FOXO4: variants seen among roughly 807,000 people sequenced by gnomAD.
The protein encoded by FOXO4 is forkhead box O4, also known as forkhead box protein O4.
In FOXO4, 3 loss-of-function variants were observed where a neutral mutation model predicts 20.8. The ratio of observed to expected loss-of-function variants is 0.14; its 90% confidence interval spans 0.07 to 0.37. The LOEUF is 0.37. Among genes scored for constraint, FOXO4 ranks in the 10% least tolerant of loss-of-function variants. The pLI, the probability that FOXO4 is intolerant of heterozygous loss-of-function variation, is 1.00. For synonymous variants in FOXO4, 158 were observed against 180.0 expected, an observed-to-expected ratio of 0.88 and a Z score of 0.98; for missense variants, 309 against 431.9, an observed-to-expected ratio of 0.72 and a Z score of 2.52.
Position 71,095,961 on chromosome X carries a change from G to A in FOXO4, c.-568G>A. On this transcript the variant is annotated 5_prime_UTR_variant, in exon 1 of 3. Transcript: ENST00000374259. ...CGGGGGGTGGGGGGGGTTGATAGGG[G>A]AATCGGTGCGGGAATAAGGGAGGCC... 1.1e-5 allele frequency among the ~76,000 whole-genome samples: 1 copy of A among 92,439 alleles called. No individual in the cohort carries two copies. The highest frequency in any genetic ancestry group is 4.0e-5 in the African/African-American group (1 of 25,254). 80.3% of individuals were successfully genotyped at this position (92,439 alleles called of 115,157 possible). A position where few individuals can be genotyped will look rare whatever the true frequency, so the allele number is the denominator to read the frequency against.
In FOXO4 at chrX:71,102,948, TG is replaced by T. The variant is rs1332812304; in HGVS notation, c.*867del. ...TCCCCTCATTCCTTCAACTTGTGCCTGGGAGTGTGTGGTGTTAGGGTGCAGC... is the reference window on the plus strand; with the variant it reads ...TCCCCTCATTCCTTCAACTTGTGCCTGGAGTGTGTGGTGTTAGGGTGCAGC... On this transcript the variant is annotated 3_prime_UTR_variant, in exon 3 of 3. Transcript: ENST00000374259. 1.2e-5 allele frequency: 2 copies of T among 172,515 alleles called. No homozygotes were observed. Among genetic ancestry groups the T allele is most frequent in the African/African-American group, 6.0e-5 (2 of 33,491 alleles). The allele number at this position is 172,515 out of a possible 1,213,427, so 14.2% of individuals were successfully genotyped here.
In FOXO4 at chrX:71,096,799, C is replaced by T; in HGVS notation, c.271C>T (p.Pro91Ser). 6 of 1,202,040 alleles carry T rather than the reference C, an allele frequency of 5.0e-6. No individual in the cohort carries two copies. Among genetic ancestry groups the T allele is most frequent in the Non-Finnish European group, 6.7e-6 (6 of 890,494 alleles). ...CGGAATCCTGGGGGCTGTAACAGGT[C>T]CTCGGAAGGGAGGCTCCCGCCGGAA... ...QPGILGAVTGPRKGGSRRNAW... is the reference protein window; with the variant it reads ...QPGILGAVTGSRKGGSRRNAW... Residue 91 changes from proline to serine, a missense_variant, in exon 1 of 3, where the codon CCT becomes TCT. Physicochemically the swap from Pro to Ser is moderately conservative, Grantham distance 74 (BLOSUM62 -1). Around this residue, in one of 3 missense-constraint regions of FOXO4, gnomAD observed 81 missense variants for 94.2 expected, o/e 0.86. Coordinates refer to ENST00000374259, the MANE Select transcript of FOXO4 (RefSeq NM_005938.4).
At position 71,100,669 on chromosome X, in the gene FOXO4, T is replaced by C. The variant is rs1367675192; in HGVS notation, c.454-15T>C. ...AGTACCTCACGCCCCTTTCCTGCCA[T>C]CTCTGCCCCTCCAGAACTCGATCCG... On this transcript the variant is annotated splice_polypyrimidine_tract_variant and intron_variant, in intron 1 of 2. Transcript: ENST00000374259. 1.7e-6 allele frequency: 2 copies of C among 1,168,077 alleles called. No individual in the cohort carries two copies. Among genetic ancestry groups the C allele is most frequent in the South Asian group, 3.9e-5 (2 of 51,186 alleles).
rs2092230902 is a variant in FOXO4, at chrX:71,101,344, T to C, written c.1114T>C (p.Ser372Pro). The C allele has an allele frequency of 8.3e-6, 10 of 1,211,333 alleles. No individual in the cohort carries two copies. Among genetic ancestry groups the C allele is most frequent in the Non-Finnish European group, 1.1e-5 (10 of 895,347 alleles). The change falls in exon 2 of 3, where the codon TCT becomes CCT. Residue 372 changes from serine (S) to proline (P), a missense_variant. Physicochemically the swap from Ser to Pro is moderately conservative, Grantham distance 74. Coordinates refer to ENST00000374259, the MANE Select transcript of FOXO4 (RefSeq NM_005938.4). ...CCAGGCTCTGGAGGCCCTGCTCACCTCTGATACGCCACCACCCCCTGCTGA... is the reference window on the plus strand; with the variant it reads ...CCAGGCTCTGGAGGCCCTGCTCACCCCTGATACGCCACCACCCCCTGCTGA... ...SSQALEALLT[S>P]DTPPPPADVL... is the part of the protein sequence containing the mutation.
intron 2 of FOXO4, 33 bp downstream of exon 2, chrX:71,101,773 T>C (rs1263442932): frequency 9.2e-7 from 1 of 1,090,379 alleles, no homozygotes; most frequent in African/African-American, 1.8e-5. Context: ...CAGCACCTCA[T>C]AGCCTATTAC....
At chrX:71,101,949 C>A in intron 2 of FOXO4, 128 bp from the exon 3 acceptor site, 1 of 822,785 alleles carries the variant, frequency 1.2e-6, no homozygotes, top group Non-Finnish European at 1.8e-6. Flanking sequence ...TGCAAGGTAG[C>A]ACAGAAAAGG....
rs779336442 is a variant in FOXO4 at position 71,101,285 on chromosome X, C to T, written c.1055C>T (p.Pro352Leu). 6 of 1,211,437 alleles carry T rather than the reference C, an allele frequency of 5.0e-6. No homozygotes were observed. In the South Asian group the frequency reaches 8.8e-5, roughly 18 times the overall value. ...TCCCTTTTCAGCCCAGCAGAGGGGCCCCTGTCAGCAGGAGAAGGGTGCTTC... is the reference window on the plus strand; with the variant it reads ...TCCCTTTTCAGCCCAGCAGAGGGGCTCCTGTCAGCAGGAGAAGGGTGCTTC... ...SSSLFSPAEG[P>L]LSAGEGCFSS... The change falls in exon 2 of 3, where the codon CCC (proline) becomes CTC (leucine). Residue 352 changes from proline to leucine, a missense_variant. By Grantham distance (98) the Pro-to-Leu change is moderately conservative (BLOSUM62 -3). Coordinates refer to ENST00000374259, the MANE Select transcript of FOXO4 (RefSeq NM_005938.4).
Position 71,102,324 on chromosome X carries a change from G to T in FOXO4, c.*240G>T. On this transcript the variant is annotated 3_prime_UTR_variant, in exon 3 of 3. Coordinates refer to ENST00000374259, the MANE Select transcript of FOXO4 (RefSeq NM_005938.4). ...TTTTTCTCACTGTGCCAATTAGGGG[G>T]TAAGGCCCCCTCTCAGGAGCCATCA... is the stretch of plus-strand genomic sequence containing the variant. 1 of 425,427 alleles carries T rather than the reference G, an allele frequency of 2.4e-6. No homozygotes were observed. Among genetic ancestry groups the T allele is most frequent in the Non-Finnish European group, 4.1e-6 (1 of 244,310 alleles). 35.1% of individuals were successfully genotyped at this position (425,427 alleles called of 1,213,427 possible). A position where few individuals can be genotyped will look rare whatever the true frequency, so the allele number is the denominator to read the frequency against.
At position 71,103,473 on chromosome X, in the gene FOXO4, T is replaced by C; in HGVS notation, c.*1389T>C. 1 of 161,489 alleles carries C rather than the reference T, an allele frequency of 6.2e-6. No homozygotes were observed. The highest frequency in any genetic ancestry group is 1.2e-5 in the Non-Finnish European group (1 of 82,477). 13.3% of individuals were successfully genotyped at this position (161,489 alleles called of 1,213,427 possible). A position where few individuals can be genotyped will look rare whatever the true frequency, so the allele number is the denominator to read the frequency against. ...TACCCAGATTGTATCATGTGCTAGA[T>C]TGGAGTGGGGAAGTGTGTCAAATCA... On this transcript the variant is annotated 3_prime_UTR_variant, in exon 3 of 3. Transcript: ENST00000374259.
chrX:71,097,079 A>G, intron 1 of FOXO4, 98 bp downstream of exon 1: 1 of 578,545 alleles, frequency 1.7e-6, no homozygotes, highest in Admixed American at 4.5e-5. Context: ...ACTACCTCCC[A>G]CCCCCACCCC....
Position 71,096,611 on chromosome X carries a change from C to T in FOXO4, c.83C>T (p.Pro28Leu). 2 of 1,210,452 alleles carry T rather than the reference C, an allele frequency of 1.7e-6. No individual in the cohort carries two copies. Among genetic ancestry groups the T allele is most frequent in the Non-Finnish European group, 2.2e-6 (2 of 894,664 alleles). Residue 28 changes from proline (P) to leucine (L), a missense_variant, in exon 1 of 3, where the codon CCC (proline) becomes CTC (leucine). Around this residue, in one of 3 missense-constraint regions of FOXO4, gnomAD observed 81 missense variants for 94.2 expected, o/e 0.86. Coordinates refer to ENST00000374259, the MANE Select transcript of FOXO4 (RefSeq NM_005938.4). ...LDPDFEPQSR[P>L]RSCTWPLPRP... ...CCCGACTTCGAACCCCAGAGCCGTC[C>T]CCGCTCCTGCACCTGGCCCCTTCCC... is the stretch of plus-strand genomic sequence containing the variant.
At chrX:71,101,792 G>A (rs369386856) in intron 2 of FOXO4, 52 bp downstream of exon 2, 30 of 998,363 alleles carry the variant, frequency 3.0e-5, no homozygotes, top group Non-Finnish European at 4.1e-5. Flanking sequence ...ACCACTCCTA[G>A]GTGCCCAGCT....
chrX:71,098,915 G>A (rs2092224225), intron 1 of FOXO4, among the ~76,000 whole-genome samples: 1 of 110,896 alleles, frequency 9.0e-6, no homozygotes, highest in Non-Finnish European at 1.9e-5. Flanking sequence ...GGAGTTCTTT[G>A]GCTAAAGAAC....
intron 1 of FOXO4, 122 bp downstream of exon 1, chrX:71,097,103 A>G: frequency 2.1e-6 from 1 of 479,390 alleles, no homozygotes; most frequent in Non-Finnish European, 3.3e-6. Context: ...TGGGAAGCCC[A>G]GAGATCCACC....
intron 1 of FOXO4, 50 bp downstream of exon 1, chrX:71,097,031 C>A: frequency 9.6e-7 from 1 of 1,042,758 alleles, no homozygotes; most frequent in Non-Finnish European, 1.3e-6. Context: ...CCCCCTGGAC[C>A]CCCTAGCCTC....
intron 1 of FOXO4, among the ~76,000 whole-genome samples, chrX:71,097,685 G>A (rs371760572): frequency 8.9e-6 from 1 of 111,876 alleles, no homozygotes; most frequent in Non-Finnish European, 1.9e-5. Context: ...CATGAAGAAG[G>A]AGGTAGGGCT....
Position 71,102,270 on chromosome X carries a change from A to G in FOXO4, c.*186A>G. 2.2e-6 allele frequency: 1 copy of G among 462,436 alleles called. No individual in the cohort carries two copies. The highest frequency in any genetic ancestry group is 3.7e-5 in the East Asian group (1 of 27,070). The allele number at this position is 462,436 out of a possible 1,213,427, so 38.1% of individuals were successfully genotyped here. ...TGCCCCATCTGGGGACGATATGGGGAGGGAGATGGGAGGGGAAAGGGGAGA... is the reference window on the plus strand; with the variant it reads ...TGCCCCATCTGGGGACGATATGGGGGGGGAGATGGGAGGGGAAAGGGGAGA... On this transcript the variant is annotated 3_prime_UTR_variant, in exon 3 of 3. Coordinates refer to ENST00000374259, the MANE Select transcript of FOXO4 (RefSeq NM_005938.4).
rs987355232 is a variant in FOXO4 at position 71,096,539 on chromosome X, G to A, written c.11G>A (p.Gly4Glu). The A allele has an allele frequency of 4.1e-6, 5 of 1,206,933 alleles. No homozygotes were observed. The highest frequency in any genetic ancestry group is 5.6e-6 in the Non-Finnish European group (5 of 892,825). Residue 4 changes from glycine to glutamate, a missense_variant, in exon 1 of 3, where the codon GGG becomes GAG. This residue lies in a region of FOXO4 where 81 missense variants were observed against 94.2 expected (regional missense o/e 0.86). Transcript: ENST00000374259. ...GGTCCAACTCCACGTATGGATCCGG[G>A]GAATGAGAATTCAGCCACAGAGGCT... MDPGNENSATEAAA... is the reference protein window; with the variant it reads MDPENENSATEAAA...
In FOXO4 at chrX:71,100,843, C is replaced by T; in HGVS notation, c.613C>T (p.Leu205Phe). Residue 205 changes from leucine to phenylalanine, a missense_variant, in exon 2 of 3, where the codon CTC becomes TTC. Around this residue, in one of 3 missense-constraint regions of FOXO4, gnomAD observed 223 missense variants for 302.7 expected, o/e 0.74. Transcript: ENST00000374259. ...AASMDSSSKL[L>F]RGRSKAPKKK... ...CTCCATGGATAGCAGCAGCAAGCTGCTCCGGGGCCGCAGTAAAGCCCCCAA... is the reference window on the plus strand; with the variant it reads ...CTCCATGGATAGCAGCAGCAAGCTGTTCCGGGGCCGCAGTAAAGCCCCCAA... 1.7e-6 allele frequency: 2 copies of T among 1,211,011 alleles called. No individual in the cohort carries two copies. Among genetic ancestry groups the T allele is most frequent in the Non-Finnish European group, 2.2e-6 (2 of 895,012 alleles).
Sources: allele counts gnomAD v4.1 joint callset (sites outside exome capture counted in the v4.1 genomes callset), GRCh38; gene constraint gnomAD v4.1.1; regional missense constraint gnomAD v4.1.1; transcripts MANE v1.5; gene names NCBI Gene and HGNC (gene_info 2026-07-23, HGNC 2026-07-21).